HAUS6: variants seen among roughly 807,000 people sequenced by gnomAD.
HAUS6 encodes the protein HAUS augmin-like complex subunit 6.
Under a neutral mutation model 106.8 loss-of-function variants are expected in HAUS6, and 80 were observed. The observed-to-expected ratio is 0.75, with a 90% CI of 0.63 to 0.90. The LOEUF (loss-of-function observed/expected upper bound fraction) is 0.90, where lower values mean the gene tolerates loss of function less well. HAUS6 is among the 40% of genes least tolerant of loss of function. The probability of loss-of-function intolerance (pLI) is 0.00; values close to 1 mark genes in which losing one functional copy is unlikely to be tolerated. For synonymous variants in HAUS6, 356 were observed against 379.1 expected, an observed-to-expected ratio of 0.94 and a Z score of 0.71; for missense variants, 1,155 against 1,118.1, an observed-to-expected ratio of 1.03 and a Z score of -0.47.
At chr9:19,061,329 A>T (rs931821104) in intron 14 of HAUS6, among the ~76,000 whole-genome samples, 4 of 152,214 alleles carry the variant, frequency 2.6e-5, no homozygotes, top group Non-Finnish European at 5.9e-5. Flanking sequence ...GAGCTTCATG[A>T]AATTTTAAGA....
intron 12 of HAUS6, among the ~76,000 whole-genome samples, chr9:19,064,842 T>C (rs1356775306): frequency 6.6e-6 from 1 of 152,222 alleles, no homozygotes; most frequent in East Asian, 1.9e-4. Flanking sequence ...AGGCAAAGAA[T>C]TGATCATCTA....
At position 19,101,362 on chromosome 9, in the gene HAUS6, G is replaced by A. The variant is rs148513307; in HGVS notation, c.128+1162C>T. Among the ~76,000 whole-genome samples, 618 of 150,686 alleles carry A rather than the reference G, an allele frequency of 4.1e-3. 2 individuals carry two copies. The highest frequency in any genetic ancestry group is 0.014 in the African/African-American group (593 of 40,966). On this transcript the variant is annotated intron_variant, in intron 1 of 16. Transcript: ENST00000380502. ...ATGCCGACCCTAGGCATGGTGCCAC[G>A]CACCTGTAGTCCCAGCTACTCAGGA...
At chr9:19,078,774 G>C (rs894480996) in intron 9 of HAUS6, among the ~76,000 whole-genome samples, 2 of 150,748 alleles carry the variant, frequency 1.3e-5, no homozygotes, top group African/African-American at 4.9e-5. Context: ...TCCAGCCTGG[G>C]AGACAAGAGT....
chr9:19,069,751 G>C (rs1409031222), intron 12 of HAUS6, among the ~76,000 whole-genome samples: 1 of 151,912 alleles, frequency 6.6e-6, no homozygotes, highest in Non-Finnish European at 1.5e-5. Context: ...AATAAGATTG[G>C]AAACTGGTTT....
intron 4 of HAUS6, among the ~76,000 whole-genome samples, chr9:19,092,918 A>G (rs1159007815): frequency 6.8e-6 from 1 of 147,554 alleles, no homozygotes; most frequent in Non-Finnish European, 1.5e-5. Context: ...CTGTGTCTCA[A>G]AAAAAAAAAA....
At chr9:19,086,907 C>A (rs1235590697) in intron 6 of HAUS6, 125 bp from the exon 7 acceptor site, 1 of 624,226 alleles carries the variant, frequency 1.6e-6, no homozygotes, top group African/African-American at 1.9e-5. Flanking sequence ...AAAATTTAAT[C>A]TGAAAGCGAT....
rs367871078 is a variant in HAUS6 at position 19,063,627 on chromosome 9, T to A, written c.1377-47A>T. ...AATCCAAGTTATAAGGAGAAAAGAA[T>A]TCCATTCCCTTTACGAGTCTATTCT... On this transcript the variant is annotated intron_variant, in intron 12 of 16. Coordinates refer to ENST00000380502, the MANE Select transcript of HAUS6 (RefSeq NM_017645.5). 30 of 1,195,252 alleles carry A rather than the reference T, an allele frequency of 2.5e-5. No individual in the cohort carries two copies. The African/African-American group carries it at 3.7e-4, about 15-fold the overall frequency. The allele number at this position is 1,195,252 out of a possible 1,614,324, so 74.0% of individuals were successfully genotyped here.
rs1328992145 is a variant in HAUS6 at position 19,095,704 on chromosome 9, A to G, written c.224+970T>C. On this transcript the variant is annotated intron_variant, in intron 2 of 16. Coordinates refer to ENST00000380502, the MANE Select transcript of HAUS6 (RefSeq NM_017645.5). ...CGATAGACCTACTTGTTGCTTTTCT[A>G]TATAAAAGATTGATGGTACAATATA... 3.3e-5 allele frequency among the ~76,000 whole-genome samples: 5 copies of G among 152,166 alleles called. No individual in the cohort carries two copies. The East Asian group carries it at 9.6e-4, about 29-fold the overall frequency.
At chr9:19,059,130 G>C in intron 15 of HAUS6, 129 bp from the exon 16 acceptor site, 1 of 609,522 alleles carries the variant, frequency 1.6e-6, no homozygotes, top group Non-Finnish European at 2.9e-6. Flanking sequence ...ATACTGGTTG[G>C]ATGATAAGCC....
At chr9:19,085,300 A>G (rs571867887) in intron 7 of HAUS6, among the ~76,000 whole-genome samples, 1 of 152,310 alleles carries the variant, frequency 6.6e-6, no homozygotes, top group African/African-American at 2.4e-5. Context: ...AACTCAGAAG[A>G]GACTGATGTG....
chr9:19,071,412 T>C (rs546250018), intron 11 of HAUS6, among the ~76,000 whole-genome samples: 2 of 151,996 alleles, frequency 1.3e-5, no homozygotes, highest in Non-Finnish European at 2.9e-5. Flanking sequence ...GAATAAGAGA[T>C]AAAGTAATAT....
intron 1 of HAUS6, among the ~76,000 whole-genome samples, chr9:19,100,500 C>T (rs1186221924): frequency 6.6e-6 from 1 of 152,200 alleles, no homozygotes; most frequent in Non-Finnish European, 1.5e-5. Context: ...TAAAGTAGTA[C>T]AGCCATTATG....
intron 12 of HAUS6, among the ~76,000 whole-genome samples, chr9:19,064,070 C>A (rs13287117): frequency 0.41 from 61,961 of 151,414 alleles, 14,161 homozygotes; most frequent in African/African-American, 0.63. Flanking sequence ...CAGGTTCAAG[C>A]GATTCTCCTG....
At chr9:19,101,175 G>A (rs950393037) in intron 1 of HAUS6, among the ~76,000 whole-genome samples, 2 of 152,170 alleles carry the variant, frequency 1.3e-5, no homozygotes, top group Non-Finnish European at 2.9e-5. Flanking sequence ...CATTGTATAA[G>A]TGTATCAAAA....
At chr9:19,067,231 T>C (rs571161772) in intron 12 of HAUS6, among the ~76,000 whole-genome samples, 1 of 152,228 alleles carries the variant, frequency 6.6e-6, no homozygotes, top group South Asian at 2.1e-4. Context: ...AATAGTGTAA[T>C]TGCTGAACTA....
chr9:19,059,990 G>A, intron 15 of HAUS6, 98 bp downstream of exon 15: 1 of 884,640 alleles, frequency 1.1e-6, no homozygotes, highest in Admixed American at 2.5e-5. Context: ...TAAATAAACA[G>A]CCTTTGGCAA....
intron 1 of HAUS6, among the ~76,000 whole-genome samples, chr9:19,102,206 G>A (rs559674504): frequency 2.2e-4 from 33 of 151,816 alleles, no homozygotes; most frequent in African/African-American, 5.1e-4. Flanking sequence ...ACTACCACCC[G>A]CCATCCCTCC....
At chr9:19,079,907 GCTCACGC>G (rs1410987812) in intron 9 of HAUS6, among the ~76,000 whole-genome samples, 1 of 148,254 alleles carries the variant, frequency 6.7e-6, no homozygotes, top group African/African-American at 2.5e-5. Context: ...TGGCTTGGTG[GCTCACGC>G]CTGTAATCCC....
chr9:19,096,818 G>C (rs747446987), intron 1 of HAUS6, 49 bp from the exon 2 acceptor site: 11 of 850,764 alleles, frequency 1.3e-5, no homozygotes, highest in Non-Finnish European at 2.1e-5. Context: ...AGGTTAATAA[G>C]CTAAACATCA....
Sources: gnomAD v4.1 joint callset for allele counts (sites outside exome capture counted in the v4.1 genomes callset) on GRCh38, gnomAD v4.1.1 for gene constraint, MANE v1.5 for transcripts, NCBI Gene and HGNC (gene_info 2026-07-23, HGNC 2026-07-21) for gene names.